The following TRIM33 variants were observed in gnomAD, a reference collection of about 807,000 sequenced individuals.
TRIM33 encodes E3 ubiquitin-protein ligase TRIM33.
A neutral mutation model predicts 125.4 loss-of-function variants in TRIM33; 20 were observed. That is an observed-to-expected ratio of 0.16 (90% CI 0.11 to 0.23). The LOEUF (loss-of-function observed/expected upper bound fraction) is 0.23, where lower values mean the gene tolerates loss of function less well. TRIM33 is among the 10% of genes least tolerant of loss of function. TRIM33 has a pLI of 1.00. For synonymous variants in TRIM33, 564 were observed against 513.9 expected, an observed-to-expected ratio of 1.10 and a Z score of -1.32; for missense variants, 920 against 1,411.4, an observed-to-expected ratio of 0.65 and a Z score of 5.58.
In TRIM33 at chr1:114,421,649, A is replaced by T; in HGVS notation, c.1861-13T>A. The T allele has an allele frequency of 6.2e-7, 1 of 1,613,322 alleles. No individual in the cohort carries two copies. The highest frequency in any genetic ancestry group is 1.3e-5 in the African/African-American group (1 of 75,050). On this transcript the variant is annotated splice_polypyrimidine_tract_variant and intron_variant, in intron 10 of 19. Coordinates refer to ENST00000358465, the MANE Select transcript of TRIM33 (RefSeq NM_015906.4). ...CTGGGTTTGAGTGCTAATAAGAAAG[A>T]AGACATTATCATTACTTGATCTGCC...
Position 114,412,757 on chromosome 1 carries a change from G to A in TRIM33, c.2062-2441C>T, listed in dbSNP as rs72696004. ...CAATTTGTTTATCCATTTATTTGCA[G>A]GTGGATATTTGGGTTGTTTCCAGTT... On this transcript the variant is annotated intron_variant, in intron 11 of 19. Transcript: ENST00000358465. Among the ~76,000 whole-genome samples the A allele has an allele frequency of 4.0e-3, 607 of 152,142 alleles. 2 individuals carry two copies. Among genetic ancestry groups the A allele is most frequent in the Non-Finnish European group, 6.6e-3 (451 of 68,002 alleles).
chr1:114,401,159 C>T (rs1651856277), intron 17 of TRIM33, among the ~76,000 whole-genome samples: 1 of 151,986 alleles, frequency 6.6e-6, no homozygotes, highest in Non-Finnish European at 1.5e-5. Flanking sequence ...GCCTCAGCCT[C>T]CGGAGTAGCT....
chr1:114,422,088 C>T (rs538438231), intron 10 of TRIM33, among the ~76,000 whole-genome samples: 1 of 152,276 alleles, frequency 6.6e-6, no homozygotes, highest in South Asian at 2.1e-4. Flanking sequence ...GACTCTAATA[C>T]TGTGTGACCT....
chr1:114,493,629 G>A (rs1652199398), intron 1 of TRIM33, among the ~76,000 whole-genome samples: 1 of 152,008 alleles, frequency 6.6e-6, no homozygotes. Context: ...TGTGAAGTAG[G>A]GGTATGACTT....
Position 114,402,899 on chromosome 1 carries a change from G to A in TRIM33, c.2769-16C>T. ...CCAGTCCCCACTAGACAGGGAAATA[G>A]GCAATTAGTCCACGTAATTATAAGA... On this transcript the variant is annotated splice_polypyrimidine_tract_variant and intron_variant, in intron 15 of 19. Transcript: ENST00000358465. 1 of 1,605,074 alleles carries A rather than the reference G, an allele frequency of 6.2e-7. No homozygotes were observed. The highest frequency in any genetic ancestry group is 1.3e-5 in the African/African-American group (1 of 74,654).
At chr1:114,480,553 G>C (rs937135834) in intron 1 of TRIM33, among the ~76,000 whole-genome samples, 4 of 136,452 alleles carry the variant, frequency 2.9e-5, no homozygotes, top group Non-Finnish European at 4.7e-5. Flanking sequence ...TATCATAATT[G>C]CAAGAGTTAA....
Position 114,421,490 on chromosome 1 carries a change from G to A in TRIM33, c.2007C>T (p.Pro669=). The A allele has an allele frequency of 6.2e-7, 1 of 1,614,174 alleles. No homozygotes were observed. Among genetic ancestry groups the A allele is most frequent in the Non-Finnish European group, 8.5e-7 (1 of 1,180,020 alleles). ...SPSVTAIELI[P]SVTNPENLPS... ...GAAGGTTTTCTGGATTGGTAACTGA[G>A]GGGATTAGCTCTATTGCTGTAACAG... Residue 669 remains proline, a synonymous_variant, in exon 11 of 20, where the codon CCC becomes CCT. Transcript: ENST00000358465.
chr1:114,483,355 C>CA (rs1433281436), intron 1 of TRIM33, among the ~76,000 whole-genome samples: 1 of 151,312 alleles, frequency 6.6e-6, no homozygotes, highest in African/African-American at 2.4e-5. Flanking sequence ...TAGAAAAACT[C>CA]AATCTGAATA....
At chr1:114,475,933 G>C (rs1650951439) in intron 1 of TRIM33, among the ~76,000 whole-genome samples, 1 of 152,032 alleles carries the variant, frequency 6.6e-6, no homozygotes, top group African/African-American at 2.4e-5. Context: ...CCGGGAGGTG[G>C]AGGCTGCAGT....
intron 11 of TRIM33, among the ~76,000 whole-genome samples, chr1:114,420,624 C>G (rs1240562518): frequency 2.0e-5 from 3 of 152,216 alleles, no homozygotes; most frequent in African/African-American, 7.2e-5. Context: ...CTTTTCAAGA[C>G]TCAAATATTT....
chr1:114,502,037 A>C (rs1652749022), intron 1 of TRIM33, among the ~76,000 whole-genome samples: 1 of 152,220 alleles, frequency 6.6e-6, no homozygotes, highest in African/African-American at 2.4e-5. Flanking sequence ...TCCTGAGCCC[A>C]ATCTCTGAAG....
At chr1:114,414,989 ATTTTTTTTTTT>A (rs56960865) in intron 11 of TRIM33, among the ~76,000 whole-genome samples, 1 of 104,702 alleles carries the variant, frequency 9.6e-6, no homozygotes, top group Non-Finnish European at 1.9e-5. Context: ...GGTAGATTCT[ATTTTTTTTTTT>A]TTTTTTTTTT....
intron 11 of TRIM33, among the ~76,000 whole-genome samples, chr1:114,416,088 G>GT (rs1157133638): frequency 1.3e-5 from 2 of 152,034 alleles, no homozygotes; most frequent in Non-Finnish European, 2.9e-5. Context: ...TTAATACATG[G>GT]TAAGTTCTCA....
chr1:114,446,199 T>C, intron 4 of TRIM33, among the ~76,000 whole-genome samples: 1 of 152,168 alleles, frequency 6.6e-6, no homozygotes, highest in Admixed American at 6.5e-5. Flanking sequence ...GAGTATTCAT[T>C]GTCAGCAAAC....
Position 114,401,478 on chromosome 1 carries a change from GA to G in TRIM33, c.2893-16del. 1 of 1,604,610 alleles carries G rather than the reference GA, an allele frequency of 6.2e-7. No individual in the cohort carries two copies. The highest frequency in any genetic ancestry group is 8.5e-7 in the Non-Finnish European group (1 of 1,173,402). Reference sequence around the variant, plus strand: ...CGTTCACATTTCTGGCCCAAACAAGGAAAGGAAAGCACATGAAATATTTTTC... The same window carrying G: ...CGTTCACATTTCTGGCCCAAACAAGGAAGGAAAGCACATGAAATATTTTTC... On this transcript the variant is annotated splice_polypyrimidine_tract_variant and intron_variant, in intron 16 of 19. Coordinates refer to ENST00000358465, the MANE Select transcript of TRIM33 (RefSeq NM_015906.4).
intron 1 of TRIM33, among the ~76,000 whole-genome samples, chr1:114,490,374 T>TA (rs1301076236): frequency 6.6e-6 from 1 of 151,886 alleles, no homozygotes; most frequent in African/African-American, 2.4e-5. Context: ...ATAGCTACAA[T>TA]AAAAAAGATA....
chr1:114,468,597 TGAA>T (rs1225115555), intron 1 of TRIM33: 5 of 406,748 alleles, frequency 1.2e-5, no homozygotes, highest in African/African-American at 2.1e-5. Flanking sequence ...CTGATGAAGC[TGAA>T]GAAGGTGTAA....
At chr1:114,404,214 A>AAGATGAGCCTCTGCTCATGT (rs1652091817) in intron 15 of TRIM33, 1 of 152,058 alleles carries the variant, frequency 6.6e-6, no homozygotes, top group African/African-American at 2.4e-5. Flanking sequence ...GGCTCATGGC[A>AAGATGAGCCTCTGCTCATGT]ACCTCTGCTT....
chr1:114,464,417 A>G (rs763461071), intron 1 of TRIM33, 29 bp from the exon 2 acceptor site: 1 of 1,312,078 alleles, frequency 7.6e-7, no homozygotes, highest in South Asian at 1.3e-5. Context: ...ACATTTTAAA[A>G]TATTCTTCAG....
Sources: allele counts gnomAD v4.1 joint callset (sites outside exome capture counted in the v4.1 genomes callset), GRCh38; gene constraint gnomAD v4.1.1; transcripts MANE v1.5; gene names NCBI Gene and HGNC (gene_info 2026-07-23, HGNC 2026-07-21).